FGD6: variants seen among roughly 807,000 people sequenced by gnomAD.
The protein encoded by FGD6 is FYVE, RhoGEF and PH domain containing 6.
Under a neutral mutation model 149.4 loss-of-function variants are expected in FGD6, and 90 were observed. The ratio of observed to expected loss-of-function variants is 0.60; its 90% CI spans 0.51 to 0.72. The LOEUF is 0.72. Among genes scored for constraint, FGD6 ranks in the 30% least tolerant of loss-of-function variants. FGD6 has a pLI of 0.00. For synonymous variants in FGD6, 527 were observed against 584.0 expected, an observed-to-expected ratio of 0.90 and a Z score of 1.41; for missense variants, 1,437 against 1,684.8, an observed-to-expected ratio of 0.85 and a Z score of 2.57.
At chr12:95,195,157 A>G (rs1881705478) in intron 2 of FGD6, among the ~76,000 whole-genome samples, 1 of 152,222 alleles carries the variant, frequency 6.6e-6, no homozygotes, top group South Asian at 2.1e-4. Context: ...TATAAATTCT[A>G]TGAAATAAAA....
chr12:95,108,436 G>A lies in FGD6; in HGVS notation c.3193-17C>T, dbSNP rs1878703923. Reference sequence around the variant, plus strand: ...AAAGTTGTCCTACAGAAAGACAATGGAAAGCATATGAAGGCCTGGGCTTTC... The same window carrying A: ...AAAGTTGTCCTACAGAAAGACAATGAAAAGCATATGAAGGCCTGGGCTTTC... On this transcript the variant is annotated splice_polypyrimidine_tract_variant and intron_variant, in intron 10 of 20. Transcript: ENST00000343958. 6 of 1,613,974 alleles carry A rather than the reference G, an allele frequency of 3.7e-6. No individual in the cohort carries two copies. The highest frequency in any genetic ancestry group is 5.1e-6 in the Non-Finnish European group (6 of 1,179,936).
chr12:95,079,464 T>A lies in FGD6; in HGVS notation c.*2056A>T, dbSNP rs1199571216. 3 of 152,180 alleles carry A rather than the reference T, an allele frequency of 2.0e-5. No homozygotes were observed. Among genetic ancestry groups the A allele is most frequent in the African/African-American group, 7.2e-5 (3 of 41,414 alleles). The allele number at this position is 152,180 out of a possible 1,614,324, so 9.4% of individuals were successfully genotyped here. A position where few individuals can be genotyped will look rare whatever the true frequency, so the allele number is the denominator to read the frequency against. ...ATAAGGCTTAAGCCAAACCTTGTAG[T>A]CAGAAGGCTGAGAGCTCAAGAGGAG... On this transcript the variant is annotated 3_prime_UTR_variant, in exon 21 of 21. Transcript: ENST00000343958.
intron 2 of FGD6, among the ~76,000 whole-genome samples, chr12:95,187,635 G>A (rs1881479633): frequency 6.7e-6 from 1 of 149,466 alleles, no homozygotes; most frequent in Non-Finnish European, 1.5e-5. Flanking sequence ...CTGGGTGACT[G>A]AGCGAGGCTG....
chr12:95,172,688 T>C lies in FGD6; in HGVS notation c.2498A>G (p.Asp833Gly), dbSNP rs749108298. Residue 833 changes from aspartate to glycine, a missense_variant, in exon 3 of 21, where the codon GAT (aspartate) becomes GGT (glycine). Asp to Gly is a moderately conservative substitution (Grantham distance 94). Coordinates refer to ENST00000343958, the MANE Select transcript of FGD6 (RefSeq NM_018351.4). The part of the protein sequence containing the change: ...NDLGLGDLPS[D>G]EEEIINSSDE... ...AGAACTGTTGATGATTTCCTCCTCATCAGAGGGAAGGTCACCAAGACCAAG... is the reference window on the plus strand; with the variant it reads ...AGAACTGTTGATGATTTCCTCCTCACCAGAGGGAAGGTCACCAAGACCAAG... The C allele has an allele frequency of 1.2e-6, 2 of 1,613,096 alleles. No homozygotes were observed. Among genetic ancestry groups the C allele is most frequent in the South Asian group, 2.2e-5 (2 of 90,772 alleles).
At chr12:95,174,220 A>G (rs1592863451) in intron 2 of FGD6, among the ~76,000 whole-genome samples, 1 of 152,158 alleles carries the variant, frequency 6.6e-6, no homozygotes, top group African/African-American at 2.4e-5. Context: ...GGGTGCAGGG[A>G]TAAGAGCCAA....
chr12:95,089,591 T>G lies in FGD6; in HGVS notation c.3956A>C (p.Lys1319Thr), dbSNP rs1877984301. 6.2e-7 allele frequency: 1 copy of G among 1,613,700 alleles called. No homozygotes were observed. The highest frequency in any genetic ancestry group is 8.5e-7 in the Non-Finnish European group (1 of 1,179,770). ...TACTTCTTTGAGAGCAGCTGGGATT[T>G]TTTTCTGTTTCCTCCCTGATGGAAT... ...HSIPSGRKQK[K>T]IPAALKEVSA... The change falls in exon 18 of 21, where the codon AAA becomes ACA. Residue 1319 changes from lysine (K) to threonine (T), a missense_variant. Lys to Thr is a moderately conservative substitution (Grantham distance 78, BLOSUM62 -1). Coordinates refer to ENST00000343958, the MANE Select transcript of FGD6 (RefSeq NM_018351.4).
intron 7 of FGD6, among the ~76,000 whole-genome samples, chr12:95,136,757 G>A (rs1218907088): frequency 2.0e-5 from 3 of 152,218 alleles, no homozygotes; most frequent in Non-Finnish European, 2.9e-5. Context: ...CAAGTTCATT[G>A]AGTCAGAAAG....
At chr12:95,160,925 G>T (rs1880620856) in intron 3 of FGD6, among the ~76,000 whole-genome samples, 1 of 152,032 alleles carries the variant, frequency 6.6e-6, no homozygotes, top group Admixed American at 6.6e-5. Flanking sequence ...GCTCATGCCT[G>T]TAATCTCAGC....
At chr12:95,115,273 T>C (rs1878971078) in intron 8 of FGD6, among the ~76,000 whole-genome samples, 1 of 152,338 alleles carries the variant, frequency 6.6e-6, no homozygotes, top group South Asian at 2.1e-4. Context: ...AGTCTCACCC[T>C]GTCGTCCAGG....
intron 8 of FGD6, chr12:95,125,853 G>C: frequency 2.8e-6 from 3 of 1,085,922 alleles, no homozygotes; most frequent in South Asian, 2.5e-5. Flanking sequence ...AGATGTTATT[G>C]ATCAGAACAG....
At position 95,196,022 on chromosome 12, in the gene FGD6, A is replaced by G. The variant is rs1356537858; in HGVS notation, c.2441+12821T>C. The stretch of plus-strand genomic sequence containing the variant: ...CTCTAATCAGCTACTTGGGAGGCTG[A>G]AGCAGGATAATCGCTTGAAACCGGG... On this transcript the variant is annotated intron_variant, in intron 2 of 20. Coordinates refer to ENST00000343958, the MANE Select transcript of FGD6 (RefSeq NM_018351.4). Among the ~76,000 whole-genome samples, 3 of 152,120 alleles carry G rather than the reference A, an allele frequency of 2.0e-5. No individual in the cohort carries two copies. The East Asian group carries it at 5.8e-4, about 30-fold the overall frequency.
chr12:95,156,955 A>G (rs1355042380), intron 3 of FGD6, among the ~76,000 whole-genome samples: 4 of 152,146 alleles, frequency 2.6e-5, no homozygotes, highest in African/African-American at 9.7e-5. Context: ...TAACCTACAA[A>G]TAATTTTATT....
chr12:95,144,852 C>T (rs943480157), intron 5 of FGD6, among the ~76,000 whole-genome samples: 5 of 151,612 alleles, frequency 3.3e-5, no homozygotes, highest in Non-Finnish European at 7.4e-5. Context: ...CCACGCCTGG[C>T]TAATTTTTGT....
chr12:95,092,838 G>A lies in FGD6; in HGVS notation c.3608C>T (p.Ser1203Leu), dbSNP rs954902264. The A allele has an allele frequency of 2.5e-6, 4 of 1,610,092 alleles. No individual in the cohort carries two copies. Among genetic ancestry groups the A allele is most frequent in the Non-Finnish European group, 8.5e-7 (1 of 1,178,116 alleles). The change falls in exon 16 of 21, where the codon TCA becomes TTA. Residue 1203 changes from serine (S) to leucine (L), a missense_variant. Physicochemically the swap from Ser to Leu is moderately radical, Grantham distance 145. Coordinates refer to ENST00000343958, the MANE Select transcript of FGD6 (RefSeq NM_018351.4). ...CPSRSLDEAD[S>L]ENKEEVSPLG... ...AGGACTAACTTCTTCTTTATTTTCT[G>A]AGTCTGCCTGTGGAAGAAGAACAAC... is the stretch of plus-strand genomic sequence containing the variant.
chr12:95,155,452 T>C (rs111901357), intron 3 of FGD6, among the ~76,000 whole-genome samples: 1 of 152,084 alleles, frequency 6.6e-6, no homozygotes, highest in Non-Finnish European at 1.5e-5. Context: ...CGCTTGAACC[T>C]GGGAGGTGGA....
At chr12:95,139,493 A>G (rs924940073) in intron 6 of FGD6, among the ~76,000 whole-genome samples, 11 of 146,560 alleles carry the variant, frequency 7.5e-5, no homozygotes, top group African/African-American at 2.7e-4. Flanking sequence ...TTAACTTAAG[A>G]AAAAAAAAAA....
intron 2 of FGD6, among the ~76,000 whole-genome samples, chr12:95,203,934 G>C (rs1208033198): frequency 1.3e-5 from 2 of 152,098 alleles, no homozygotes; most frequent in Admixed American, 6.5e-5. Flanking sequence ...AGGCTCAAAG[G>C]CTCAAATTTT....
chr12:95,176,698 A>G (rs907846840), intron 2 of FGD6, among the ~76,000 whole-genome samples: 1 of 152,148 alleles, frequency 6.6e-6, no homozygotes, highest in Non-Finnish European at 1.5e-5. Flanking sequence ...ATTTTTTTCT[A>G]TATGCTAGTT....
chr12:95,150,184 C>T (rs962817384), intron 5 of FGD6, among the ~76,000 whole-genome samples: 7 of 151,826 alleles, frequency 4.6e-5, no homozygotes, highest in East Asian at 3.9e-4. Context: ...TGTGCCACCA[C>T]GCCCGGCTAA....
Sources: allele counts gnomAD v4.1 joint callset (sites outside exome capture counted in the v4.1 genomes callset), GRCh38; gene constraint gnomAD v4.1.1; transcripts MANE v1.5; gene names NCBI Gene and HGNC (gene_info 2026-07-23, HGNC 2026-07-21).